The following ANXA8 variants were observed in gnomAD, a reference collection of about 807,000 sequenced individuals.
ANXA8 encodes annexin A8.
ANXA8 carries 9 observed loss-of-function variants against 26.8 expected under a neutral mutation model. That is an observed-to-expected ratio of 0.34 (90% confidence interval 0.20 to 0.59). The LOEUF (loss-of-function observed/expected upper bound fraction) is 0.59, where lower values mean the gene tolerates loss of function less well. Ranked by LOEUF, ANXA8 falls within the 20% of genes least tolerant of loss-of-function variation. ANXA8 has a pLI of 0.84. For synonymous variants in ANXA8, 39 were observed against 94.8 expected, an observed-to-expected ratio of 0.41 and a Z score of 3.42; for missense variants, 83 against 238.5, an observed-to-expected ratio of 0.35 and a Z score of 4.29.
chr10:47,510,876 T>G, the ANXA8 span, among the ~76,000 whole-genome samples: 1 of 127,146 alleles, frequency 7.9e-6, no homozygotes, highest in Non-Finnish European at 1.6e-5. Flanking sequence ...TGAGATTTCA[T>G]ATTTTTTTCT....
the ANXA8 span, among the ~76,000 whole-genome samples, chr10:47,958,268 CAGG>C: frequency 6.7e-6 from 1 of 149,438 alleles, no homozygotes; most frequent in East Asian, 2.1e-4. Context: ...CACTTGAAAT[CAGG>C]AGTTTGAGAC....
intron 1 of ANXA8, among the ~76,000 whole-genome samples, chr10:47,483,044 C>G (rs1254622333): frequency 8.0e-5 from 12 of 150,580 alleles, no homozygotes; most frequent in Admixed American, 2.0e-4. Context: ...GCAGAGCCGG[C>G]AGCCGGGAGA....
At chr10:47,683,289 C>T in the ANXA8 span, among the ~76,000 whole-genome samples, 4 of 132,768 alleles carry the variant, frequency 3.0e-5, no homozygotes, top group African/African-American at 1.2e-4. Flanking sequence ...AGTGCAGTGG[C>T]GCAATCTTGG....
At chr10:47,660,116 TA>T in the ANXA8 span, among the ~76,000 whole-genome samples, 2 of 147,128 alleles carry the variant, frequency 1.4e-5, no homozygotes, top group African/African-American at 5.2e-5. Context: ...AACCTATCCC[TA>T]AAGTATTATG....
the ANXA8 span, chr10:47,973,253 C>T: frequency 6.7e-6 from 1 of 148,852 alleles, no homozygotes; most frequent in Non-Finnish European, 1.5e-5. Context: ...CAGAGGTCTT[C>T]CTGAGCATCA....
At chr10:47,762,149 C>T in the ANXA8 span, among the ~76,000 whole-genome samples, 1 of 148,782 alleles carries the variant, frequency 6.7e-6, no homozygotes, top group African/African-American at 2.5e-5. Context: ...TCTCTAACAC[C>T]CGCTCCCTCC....
the ANXA8 span, among the ~76,000 whole-genome samples, chr10:47,493,721 A>C: frequency 8.6e-5 from 13 of 150,782 alleles, 1 homozygote; most frequent in African/African-American, 3.2e-4. Context: ...GCCTCTGGGG[A>C]CAACTGCCCT....
chr10:47,482,075 C>G (rs1158464055), intron 1 of ANXA8, among the ~76,000 whole-genome samples: 1 of 140,008 alleles, frequency 7.1e-6, no homozygotes, highest in Non-Finnish European at 1.5e-5. Context: ...CAGATGGACC[C>G]TGCCTGCAGA....
chr10:47,955,573 A>G, the ANXA8 span, among the ~76,000 whole-genome samples: 1 of 149,706 alleles, frequency 6.7e-6, no homozygotes, highest in South Asian at 2.1e-4. Context: ...ATATCCAAAC[A>G]TAGCTAAACA....
the ANXA8 span, among the ~76,000 whole-genome samples, chr10:47,689,115 A>G: frequency 6.9e-6 from 1 of 144,828 alleles, no homozygotes; most frequent in East Asian, 2.2e-4. Flanking sequence ...TCCATCTCAA[A>G]TGAAACAAAC....
chr10:47,490,472 G>A, the ANXA8 span: 1 of 152,752 alleles, frequency 6.5e-6, no homozygotes, highest in Non-Finnish European at 1.5e-5. Context: ...AGTTCTGGGA[G>A]CCCACGCTAT....
At chr10:47,733,225 T>C in the ANXA8 span, among the ~76,000 whole-genome samples, 1,849 of 56,572 alleles carry the variant, frequency 0.033, 12 homozygotes, top group East Asian at 0.095. Flanking sequence ...TTCTTTCTCT[T>C]TCTTTCTCTC....
chr10:47,777,272 G>T, the ANXA8 span, among the ~76,000 whole-genome samples: 1 of 151,370 alleles, frequency 6.6e-6, no homozygotes, highest in Non-Finnish European at 1.5e-5. Flanking sequence ...TCCAAGCCTG[G>T]GACCTGTGGA....
the ANXA8 span, among the ~76,000 whole-genome samples, chr10:47,590,510 G>A: frequency 6.8e-6 from 1 of 146,390 alleles, no homozygotes. Context: ...ATCTCCTTAG[G>A]AGCACAGGTT....
the ANXA8 span, among the ~76,000 whole-genome samples, chr10:47,741,768 A>G: frequency 6.6e-6 from 1 of 151,624 alleles, no homozygotes; most frequent in Non-Finnish European, 1.5e-5. Context: ...CGAATTATAC[A>G]TTTTAAATGG....
chr10:47,647,313 T>C, the ANXA8 span, among the ~76,000 whole-genome samples: 153 of 151,854 alleles, frequency 1.0e-3, no homozygotes, highest in African/African-American at 3.6e-3. Context: ...ATTTATATAG[T>C]TTGTTTTCAC....
the ANXA8 span, among the ~76,000 whole-genome samples, chr10:47,587,215 A>AT: frequency 0.04 from 5,860 of 146,228 alleles, 85 homozygotes; most frequent in East Asian, 0.15. Flanking sequence ...AAAAAAAAAA[A>AT]AATAAAAATT....
chr10:47,682,186 T>C, the ANXA8 span, among the ~76,000 whole-genome samples: 39 of 131,062 alleles, frequency 3.0e-4, no homozygotes, highest in African/African-American at 1.0e-3. Flanking sequence ...CATTGTTATT[T>C]AAATATTTTA....
At chr10:47,675,718 CA>C in the ANXA8 span, among the ~76,000 whole-genome samples, 1 of 151,538 alleles carries the variant, frequency 6.6e-6, no homozygotes, top group Non-Finnish European at 1.5e-5. Flanking sequence ...TGAAAAGTTA[CA>C]AGGCACAAGA....
Sources: allele counts gnomAD v4.1 joint callset (sites outside exome capture counted in the v4.1 genomes callset), GRCh38; gene constraint gnomAD v4.1.1; transcripts MANE v1.5; gene names NCBI Gene and HGNC (gene_info 2026-07-23, HGNC 2026-07-21).